Variants in PAQR5 observed in about 807,000 individuals in gnomAD.
PAQR5 encodes the protein membrane progestin receptor gamma.
PAQR5 carries 20 observed loss-of-function variants against 34.5 expected under a neutral mutation model. The ratio of observed to expected loss-of-function variants is 0.58; its 90% CI spans 0.41 to 0.84. The LOEUF is 0.84. Ranked by LOEUF, PAQR5 falls within the 40% of genes least tolerant of loss-of-function variation. The pLI is 0.00. For missense variants in PAQR5, 378 were observed against 412.7 expected, an observed-to-expected ratio of 0.92 and a Z score of 0.73; for synonymous variants, 131 against 155.6, an observed-to-expected ratio of 0.84 and a Z score of 1.18.
intron 2 of PAQR5, among the ~76,000 whole-genome samples, chr15:69,349,584 A>G (rs1431310596): frequency 6.6e-6 from 1 of 152,236 alleles, no homozygotes; most frequent in East Asian, 1.9e-4. Context: ...ACATGAATCA[A>G]AACATGGGCC....
chr15:69,394,236 A>T (rs551454992), intron 6 of PAQR5, among the ~76,000 whole-genome samples: 67 of 151,086 alleles, frequency 4.4e-4, no homozygotes, highest in African/African-American at 1.6e-3. Context: ...GCAGTTGCTG[A>T]GGCAGTTCAG....
chr15:69,363,536 G>GTTTTTTTTTTTT lies in PAQR5; in HGVS notation c.51+3411_51+3412insTTTTTTTTTTTT, dbSNP rs1226447954. Reference sequence around the variant, plus strand: ...ACATCGAGTGTCAAATTGCTAATCTGTTTTTTGTTTTTGTTTTTTTTTTTT... The same window carrying GTTTTTTTTTTTT: ...ACATCGAGTGTCAAATTGCTAATCTGTTTTTTTTTTTTTTTTTTGTTTTTGTTTTTTTTTTTT... On this transcript the variant is annotated intron_variant, in intron 3 of 8. Transcript: ENST00000395407. Among the ~76,000 whole-genome samples, 5 of 82,002 alleles carry GTTTTTTTTTTTT rather than the reference G, an allele frequency of 6.1e-5. 2 individuals are homozygous for GTTTTTTTTTTTT. Among genetic ancestry groups the GTTTTTTTTTTTT allele is most frequent in the Non-Finnish European group, 9.2e-5 (4 of 43,296 alleles). 53.8% of individuals were successfully genotyped at this position (82,002 alleles called of 152,430 possible).
At chr15:69,344,523 A>C (rs2054720048) in intron 2 of PAQR5, among the ~76,000 whole-genome samples, 1 of 152,252 alleles carries the variant, frequency 6.6e-6, no homozygotes. Context: ...AACCACCCCC[A>C]CCAGGGGTAT....
intron 3 of PAQR5, 100 bp from the exon 4 acceptor site, chr15:69,379,783 C>T (rs776647606): frequency 2.3e-4 from 335 of 1,427,568 alleles, no homozygotes; most frequent in Non-Finnish European, 2.9e-4. Flanking sequence ...TGGGGTCAAG[C>T]GTTCCAGGCA....
intron 1 of PAQR5, among the ~76,000 whole-genome samples, chr15:69,318,030 C>T (rs772664888): frequency 2.0e-5 from 3 of 152,202 alleles, no homozygotes; most frequent in African/African-American, 2.4e-5. Context: ...TGAACTTCGC[C>T]GAGCCACCAG....
At chr15:69,387,039 C>T (rs1483126832) in intron 5 of PAQR5, among the ~76,000 whole-genome samples, 4 of 152,054 alleles carry the variant, frequency 2.6e-5, no homozygotes, top group East Asian at 1.9e-4. Context: ...CTGCTGTAAG[C>T]GGCACTGCCC....
chr15:69,305,747 G>T (rs116208813), intron 1 of PAQR5, among the ~76,000 whole-genome samples: 1 of 151,942 alleles, frequency 6.6e-6, no homozygotes, highest in Non-Finnish European at 1.5e-5. Context: ...GTTGTTAGAC[G>T]CAAGGGCACG....
chr15:69,400,694 G>A (rs2056600635), intron 8 of PAQR5, among the ~76,000 whole-genome samples: 1 of 152,084 alleles, frequency 6.6e-6, no homozygotes, highest in African/African-American at 2.4e-5. Flanking sequence ...AAGTACATTG[G>A]GAGCAGCCGA....
intron 1 of PAQR5, among the ~76,000 whole-genome samples, chr15:69,331,190 C>T (rs2054372063): frequency 6.6e-6 from 1 of 151,994 alleles, no homozygotes; most frequent in Non-Finnish European, 1.5e-5. Flanking sequence ...CTAGGTGCTG[C>T]CAATGCCTCC....
At chr15:69,342,553 A>G (rs2054669781) in intron 2 of PAQR5, among the ~76,000 whole-genome samples, 1 of 152,128 alleles carries the variant, frequency 6.6e-6, no homozygotes, top group African/African-American at 2.4e-5. Flanking sequence ...GTTTTAAGGT[A>G]AAACGTGGTC....
chr15:69,302,428 A>G (rs2053626433), intron 1 of PAQR5, among the ~76,000 whole-genome samples: 1 of 151,812 alleles, frequency 6.6e-6, no homozygotes, highest in Non-Finnish European at 1.5e-5. Context: ...GGGAGGGGAC[A>G]CCCCACCATG....
rs553088866 is a variant in PAQR5 at position 69,336,915 on chromosome 15, A to G, written c.-276-426A>G. On this transcript the variant is annotated intron_variant, in intron 1 of 8. Transcript: ENST00000395407. The stretch of plus-strand genomic sequence containing the variant: ...CAGAAGTGGAAGAACCAAAATTCCT[A>G]GTCAATTGTAGCTTTAATAGTGGCT... 5.3e-5 allele frequency among the ~76,000 whole-genome samples: 8 copies of G among 152,326 alleles called. No homozygotes were observed. The South Asian group carries it at 1.5e-3, about 28-fold the overall frequency.
rs150255038 is a variant in PAQR5 at position 69,385,855 on chromosome 15, GCACA to G, written c.385+983_385+986del. Among the ~76,000 whole-genome samples the G allele has an allele frequency of 2.7e-5, 4 of 149,450 alleles. No homozygotes were observed. Among genetic ancestry groups the G allele is most frequent in the East Asian group, 2.0e-4 (1 of 5,100 alleles). On this transcript the variant is annotated intron_variant, in intron 5 of 8. Coordinates refer to ENST00000395407, the MANE Select transcript of PAQR5 (RefSeq NM_017705.4). This position sits in a 1 kb window ranked among gnomAD's most constrained non-coding sequence, Gnocchi z 4.7. ...CCACATATACACAATACACTTACAT[GCACA>G]CACACACACCACATGCCACATGTAC...
intron 8 of PAQR5, among the ~76,000 whole-genome samples, chr15:69,402,208 G>T (rs960956953): frequency 3.3e-5 from 5 of 152,220 alleles, no homozygotes; most frequent in African/African-American, 1.2e-4. Flanking sequence ...TTGGCAAGTA[G>T]GCTTCTCCGG....
intron 1 of PAQR5, among the ~76,000 whole-genome samples, chr15:69,316,461 G>A (rs2053953690): frequency 6.6e-6 from 1 of 152,158 alleles, no homozygotes. Flanking sequence ...TAATGACGTT[G>A]TGTCACATTT....
At position 69,378,264 on chromosome 15, in the gene PAQR5, T is replaced by TAAAAAAAAAAAAAAAAA. The variant is rs71149912; in HGVS notation, c.52-1609_52-1593dup. 1.2e-4 allele frequency among the ~76,000 whole-genome samples: 7 copies of TAAAAAAAAAAAAAAAAA among 59,692 alleles called. 1 individual carries two copies. Among genetic ancestry groups the TAAAAAAAAAAAAAAAAA allele is most frequent in the African/African-American group, 5.9e-4 (7 of 11,862 alleles). 39.2% of individuals were successfully genotyped at this position (59,692 alleles called of 152,430 possible). A position where few individuals can be genotyped will look rare whatever the true frequency, so the allele number is the denominator to read the frequency against. ...TGGGCAACAAAATGAGACTCCATCT[T>TAAAAAAAAAAAAAAAAA]AAAAAAAAAAAAAAAAAAAAAAAAA... On this transcript the variant is annotated intron_variant, in intron 3 of 8. Transcript: ENST00000395407.
intron 2 of PAQR5, among the ~76,000 whole-genome samples, chr15:69,352,835 G>A (rs1286290801): frequency 1.3e-5 from 2 of 152,204 alleles, no homozygotes; most frequent in Non-Finnish European, 2.9e-5. Flanking sequence ...AAACATGACT[G>A]GAAAATTGGT....
At chr15:69,363,606 G>C (rs546403216) in intron 3 of PAQR5, among the ~76,000 whole-genome samples, 1 of 133,830 alleles carries the variant, frequency 7.5e-6, no homozygotes, top group African/African-American at 2.7e-5. Context: ...GAGTGCAGTG[G>C]CACTATCATG....
chr15:69,306,445 T>A (rs28543993), intron 1 of PAQR5, among the ~76,000 whole-genome samples: 3,558 of 142,204 alleles, frequency 0.025, 152 homozygotes, highest in African/African-American at 0.086. Flanking sequence ...GGAGTCTCGA[T>A]CTGTTGCCCA....
Sources: allele counts gnomAD v4.1 joint callset (sites outside exome capture counted in the v4.1 genomes callset), GRCh38; gene constraint gnomAD v4.1.1; non-coding constraint Gnocchi (gnomAD v3.1); transcripts MANE v1.5; gene names NCBI Gene and HGNC (gene_info 2026-07-23, HGNC 2026-07-21).